The following AHRR variants were observed in gnomAD, a reference collection of about 807,000 sequenced individuals.
AHRR encodes ahR repressor.
In AHRR, 28 loss-of-function variants were observed where a neutral mutation model predicts 44.0. The ratio of observed to expected loss-of-function variants is 0.64; its 90% CI spans 0.47 to 0.87. The LOEUF (loss-of-function observed/expected upper bound fraction) is 0.87, where lower values mean the gene tolerates loss of function less well. Ranked by LOEUF, AHRR falls within the 40% of genes least tolerant of loss-of-function variation. AHRR has a pLI of 0.00. For synonymous variants in AHRR, 434 were observed against 407.0 expected, an observed-to-expected ratio of 1.07 and a Z score of -0.80; for missense variants, 990 against 953.9, an observed-to-expected ratio of 1.04 and a Z score of -0.50.
rs1474952731 is a variant in AHRR, at chr5:388,811, A to T, written c.351+12095A>T. On this transcript the variant is annotated intron_variant, in intron 4 of 10. Transcript: ENST00000684583. This position sits in a 1 kb window ranked among gnomAD's most constrained non-coding sequence, Gnocchi z 5.2. The stretch of plus-strand genomic sequence containing the variant: ...GCAGAGGTTCCGTCCCGCTGGCTGG[A>T]TGGAAACAGGAAGCTGGCAGGAGGA... Among the ~76,000 whole-genome samples, 1 of 152,180 alleles carries T rather than the reference A, an allele frequency of 6.6e-6. No homozygotes were observed. Among genetic ancestry groups the T allele is most frequent in the East Asian group, 1.9e-4 (1 of 5,184 alleles).
chr5:408,390 T>C (rs1735352934), intron 4 of AHRR, among the ~76,000 whole-genome samples: 1 of 152,148 alleles, frequency 6.6e-6, no homozygotes, highest in Admixed American at 6.5e-5. Context: ...GCCTTTTTTT[T>C]TTTCAGGAAT....
At chr5:367,606 C>T (rs1415354255) in intron 3 of AHRR, among the ~76,000 whole-genome samples, 1 of 152,230 alleles carries the variant, frequency 6.6e-6, no homozygotes, top group African/African-American at 2.4e-5. Context: ...CGAGGCTCAG[C>T]ACACCTGTAG....
At chr5:416,519 TCTC>T (rs746695876) in intron 5 of AHRR, among the ~76,000 whole-genome samples, 4 of 152,186 alleles carry the variant, frequency 2.6e-5, no homozygotes, top group Non-Finnish European at 5.9e-5. Flanking sequence ...GGCACTGTCA[TCTC>T]CTGATGCGCC....
rs191152436 is a variant in AHRR at position 404,177 on chromosome 5, C to T, written c.352-9167C>T. 1.1e-4 allele frequency: 60 copies of T among 534,218 alleles called. No homozygotes were observed. The highest frequency in any genetic ancestry group is 3.9e-4 in the Admixed American group (17 of 43,590). 33.1% of individuals were successfully genotyped at this position (534,218 alleles called of 1,614,324 possible). A position where few individuals can be genotyped will look rare whatever the true frequency, so the allele number is the denominator to read the frequency against. On this transcript the variant is annotated intron_variant, in intron 4 of 10. Transcript: ENST00000684583. The surrounding 1 kb of genome is among the most constrained non-coding windows in gnomAD (Gnocchi z 4.1). ...TCCTGGTGGGTCTGCATTCCTGTCA[C>T]GAGCTGGTCTTCTGCAGCCTTTGAA...
chr5:372,877 C>T (rs1743626228), intron 3 of AHRR, among the ~76,000 whole-genome samples: 2 of 152,150 alleles, frequency 1.3e-5, no homozygotes, highest in South Asian at 2.1e-4. Flanking sequence ...CTTGGGTTCC[C>T]GGTGACACCT....
rs112931742 is a variant in AHRR at position 326,783 on chromosome 5, G to C, written c.-11+4964G>C. On this transcript the variant is annotated intron_variant, in intron 1 of 10. Coordinates refer to ENST00000684583, the MANE Select transcript of AHRR (RefSeq NM_001377236.1). This position sits in a 1 kb window ranked among gnomAD's most constrained non-coding sequence, Gnocchi z 4.1. ...CATTAAAAAAAATGATAGCTGGCCCGGCGCATGGTTCACGCCTGTAATCCC... is the reference window on the plus strand; with the variant it reads ...CATTAAAAAAAATGATAGCTGGCCCCGCGCATGGTTCACGCCTGTAATCCC... Among the ~76,000 whole-genome samples the C allele has an allele frequency of 5.9e-5, 9 of 152,216 alleles. No homozygotes were observed. Among genetic ancestry groups the C allele is most frequent in the African/African-American group, 2.2e-4 (9 of 41,514 alleles).
At chr5:417,135 T>C (rs1327928228) in intron 5 of AHRR, among the ~76,000 whole-genome samples, 1 of 134,884 alleles carries the variant, frequency 7.4e-6, no homozygotes, top group Non-Finnish European at 1.5e-5. Flanking sequence ...GGGGTCTGTA[T>C]GTGCAGGGCC....
rs537118137 is a variant in AHRR, at chr5:376,081, G to C, written c.245-529G>C. Among the ~76,000 whole-genome samples the C allele has an allele frequency of 3.9e-5, 6 of 152,306 alleles. No individual in the cohort carries two copies. In the South Asian group the frequency reaches 1.2e-3, roughly 32 times the overall value. On this transcript the variant is annotated intron_variant, in intron 3 of 10. Transcript: ENST00000684583. ...TTCTCACTAGGGAGGGGGCTGCGTG[G>C]GTTCCAGGAGGGAGAGGCGATGCGG...
chr5:410,350 CCATGCCCAG>C (rs1219788292), intron 4 of AHRR, among the ~76,000 whole-genome samples: 2 of 152,162 alleles, frequency 1.3e-5, no homozygotes, highest in Non-Finnish European at 2.9e-5. Context: ...GCATGCACCA[CCATGCCCAG>C]CTAGTTTTTA....
At position 432,944 on chromosome 5, in the gene AHRR, CAG is replaced by C. The variant is rs1736805692; in HGVS notation, c.1110_1111del (p.Asp372GlnfsTer37). 6.2e-7 allele frequency: 1 copy of C among 1,602,010 alleles called. No homozygotes were observed. Among genetic ancestry groups the C allele is most frequent in the Admixed American group, 1.7e-5 (1 of 58,718 alleles). On this transcript the variant is annotated frameshift_variant and splice_region_variant, in exon 10 of 11. Coordinates refer to ENST00000684583, the MANE Select transcript of AHRR (RefSeq NM_001377236.1). LOFTEE classifies it low-confidence loss of function (END_TRUNC). ...CTTGTCCTTGACCCCAAGGGGGGCT[CAG>C]GGTAAGTGGTGCCAGGCAGCCTCCC...
chr5:389,902 G>GGGGGGA (rs1241643346), intron 4 of AHRR, among the ~76,000 whole-genome samples: 1 of 122,276 alleles, frequency 8.2e-6, no homozygotes, highest in Non-Finnish European at 1.7e-5. Context: ...AGGAAAGGGT[G>GGGGGGA]GGGGGAGGGG....
At chr5:396,258 T>C (rs1430217398) in intron 4 of AHRR, among the ~76,000 whole-genome samples, 1 of 151,818 alleles carries the variant, frequency 6.6e-6, no homozygotes, top group Non-Finnish European at 1.5e-5. Context: ...AGGGGAGGCA[T>C]GGGGGCTGGA....
intron 4 of AHRR, among the ~76,000 whole-genome samples, chr5:402,065 A>G (rs1043545285): frequency 9.9e-5 from 15 of 152,258 alleles, no homozygotes; most frequent in African/African-American, 3.6e-4. Flanking sequence ...CACTGGCGGG[A>G]AAGACCCCAC....
At chr5:424,090 G>GGGACAT in intron 7 of AHRR, 113 bp downstream of exon 7, 1 of 1,435,228 alleles carries the variant, frequency 7.0e-7, no homozygotes, top group Non-Finnish European at 9.4e-7. Context: ...ACATGTCCCT[G>GGGACAT]GTGGAGGGAC....
At chr5:340,202 C>G (rs1157510294) in intron 1 of AHRR, among the ~76,000 whole-genome samples, 1 of 152,060 alleles carries the variant, frequency 6.6e-6, no homozygotes, top group East Asian at 1.9e-4. Context: ...TAGAGCTATC[C>G]AGATTATCTG....
chr5:433,027 G>T, intron 10 of AHRR, 80 bp downstream of exon 10: 4 of 1,415,474 alleles, frequency 2.8e-6, no homozygotes, highest in Non-Finnish European at 9.3e-7. Context: ...GTGGGGGAGT[G>T]ATTAAGAAGA....
chr5:340,402 G>A (rs936462189), intron 1 of AHRR, among the ~76,000 whole-genome samples: 10 of 151,686 alleles, frequency 6.6e-5, no homozygotes, highest in Non-Finnish European at 1.2e-4. Context: ...CAAGATCAAG[G>A]TGCTGGCTGA....
At chr5:365,444 A>C (rs1175753401) in intron 3 of AHRR, among the ~76,000 whole-genome samples, 1 of 152,192 alleles carries the variant, frequency 6.6e-6, no homozygotes, top group Non-Finnish European at 1.5e-5. Context: ...GAAATATTTA[A>C]AATGTGTGGG....
At chr5:421,008 C>T in intron 5 of AHRR, 1 of 485,638 alleles carries the variant, frequency 2.1e-6, no homozygotes, top group Non-Finnish European at 3.7e-6. Context: ...TCTTATGGTT[C>T]AGGAGGTGGA....
Sources: gnomAD v4.1 joint callset for allele counts (sites outside exome capture counted in the v4.1 genomes callset) on GRCh38, gnomAD v4.1.1 for gene constraint, Gnocchi (gnomAD v3.1) non-coding constraint, MANE v1.5 for transcripts, NCBI Gene and HGNC (gene_info 2026-07-23, HGNC 2026-07-21) for gene names.